Variants in FIRRM observed in about 807,000 individuals in gnomAD.
FIRRM encodes the protein FIGNL1-interacting regulator of recombination and mitosis.
the FIRRM span, chr1:169,853,094 TGAAAATAATCTTTA>T: frequency 9.8e-7 from 1 of 1,024,988 alleles, no homozygotes; most frequent in Admixed American, 2.4e-5. Context: ...TTGAATCTAG[TGAAAATAATCTTTA>T]TTTGACATTT....
At chr1:169,851,909 A>G in the FIRRM span, 1 of 1,614,088 alleles carries the variant, frequency 6.2e-7, no homozygotes, top group South Asian at 1.1e-5. Context: ...ATGTGACTGT[A>G]GAAGAAGCAA....
chr1:169,805,849 TTAAA>T, the FIRRM span, among the ~76,000 whole-genome samples: 17 of 152,216 alleles, frequency 1.1e-4, no homozygotes, highest in Non-Finnish European at 2.4e-4. Context: ...CTTAAATAGT[TTAAA>T]TAATTCTTTT....
the FIRRM span, chr1:169,830,394 C>T: frequency 7.1e-7 from 1 of 1,402,344 alleles, no homozygotes; most frequent in Non-Finnish European, 1.0e-6. Context: ...TAGTGACTGA[C>T]AGTAGATAAT....
At chr1:169,820,453 G>T in the FIRRM span, among the ~76,000 whole-genome samples, 1 of 152,196 alleles carries the variant, frequency 6.6e-6, no homozygotes, top group South Asian at 2.1e-4. Context: ...GCAAGGCCAA[G>T]TAATCCAAAG....
chr1:169,802,763 G>C, the FIRRM span: 4 of 1,325,378 alleles, frequency 3.0e-6, no homozygotes, highest in Non-Finnish European at 4.3e-6. Flanking sequence ...GAGAGAGGGA[G>C]CTTAAAGAAT....
chr1:169,805,592 A>G, the FIRRM span, among the ~76,000 whole-genome samples: 4 of 152,296 alleles, frequency 2.6e-5, no homozygotes, highest in East Asian at 3.9e-4. Flanking sequence ...ATAATCTACC[A>G]CAGACTGAGT....
At chr1:169,795,005 T>C in the FIRRM span, 1 of 943,842 alleles carries the variant, frequency 1.1e-6, no homozygotes, top group Non-Finnish European at 1.6e-6. Context: ...CTCTATGGTT[T>C]TGGAGCCGGC....
the FIRRM span, chr1:169,853,744 CCTT>C: frequency 3.8e-5 from 62 of 1,613,862 alleles, no homozygotes; most frequent in African/African-American, 1.9e-4. Context: ...GTTCAGCTCC[CCTT>C]CTTCTTCCCA....
the FIRRM span, chr1:169,853,978 C>T: frequency 6.4e-6 from 4 of 628,602 alleles, no homozygotes; most frequent in Non-Finnish European, 1.1e-5. Context: ...TTTTCAAAAA[C>T]CATAAAATCC....
chr1:169,846,936 A>G, the FIRRM span, among the ~76,000 whole-genome samples: 5 of 152,104 alleles, frequency 3.3e-5, no homozygotes, highest in African/African-American at 1.2e-4. Context: ...TTAGCTTTTG[A>G]TTTAAAGTGA....
chr1:169,790,778 T>C, the FIRRM span, among the ~76,000 whole-genome samples: 1 of 152,252 alleles, frequency 6.6e-6, no homozygotes, highest in Non-Finnish European at 1.5e-5. Context: ...AATCCAGCTG[T>C]CAAGGCCAAT....
chr1:169,852,775 A>ATGTT, the FIRRM span: 2 of 1,612,198 alleles, frequency 1.2e-6, no homozygotes, highest in East Asian at 4.5e-5. Flanking sequence ...GATATTACTT[A>ATGTT]TGTTTTTTTT....
chr1:169,830,466 C>A, the FIRRM span: 1 of 977,802 alleles, frequency 1.0e-6, no homozygotes, highest in Non-Finnish European at 1.5e-6. Context: ...ATTCCCAAAA[C>A]GCTTTGATTT....
chr1:169,828,009 TATAAA>T, the FIRRM span, among the ~76,000 whole-genome samples: 1 of 152,166 alleles, frequency 6.6e-6, no homozygotes, highest in African/African-American at 2.4e-5. Flanking sequence ...AGCAGATAAA[TATAAA>T]ATATATAAAC....
the FIRRM span, among the ~76,000 whole-genome samples, chr1:169,817,844 AG>A: frequency 1.3e-5 from 2 of 152,242 alleles, no homozygotes; most frequent in Non-Finnish European, 2.9e-5. Context: ...TTTTTGTTAA[AG>A]AGTAGATTAT....
chr1:169,803,229 G>C, the FIRRM span: 6 of 1,613,968 alleles, frequency 3.7e-6, no homozygotes, highest in East Asian at 1.3e-4. Context: ...TGCCACACAG[G>C]AATCCATCAT....
At chr1:169,797,504 G>A in the FIRRM span, among the ~76,000 whole-genome samples, 6 of 152,158 alleles carry the variant, frequency 3.9e-5, no homozygotes, top group Middle Eastern at 6.8e-3. Context: ...ATAAGATTTC[G>A]GAAGAGGAAT....
At chr1:169,799,211 A>T in the FIRRM span, among the ~76,000 whole-genome samples, 1 of 152,344 alleles carries the variant, frequency 6.6e-6, no homozygotes, top group African/African-American at 2.4e-5. Flanking sequence ...CAAATTGTAA[A>T]TATTAAACGT....
At chr1:169,799,451 C>T in the FIRRM span, among the ~76,000 whole-genome samples, 202 of 152,288 alleles carry the variant, frequency 1.3e-3, no homozygotes, top group African/African-American at 4.7e-3. Context: ...GTTTAGACTG[C>T]TCAGTTTACT....
Sources: gnomAD v4.1 joint callset for allele counts (sites outside exome capture counted in the v4.1 genomes callset) on GRCh38, gnomAD v4.1.1 for gene constraint, MANE v1.5 for transcripts, NCBI Gene and HGNC (gene_info 2026-07-23, HGNC 2026-07-21) for gene names.